UNC79: variants seen among roughly 807,000 people sequenced by gnomAD.
UNC79 encodes protein unc-79 homolog.
Under a neutral mutation model 283.1 loss-of-function variants are expected in UNC79, and 37 were observed. The observed-to-expected ratio is 0.13, with a 90% CI of 0.10 to 0.17. The LOEUF (loss-of-function observed/expected upper bound fraction) is 0.17, where lower values mean the gene tolerates loss of function less well. Ranked by LOEUF, UNC79 falls within the 10% of genes least tolerant of loss-of-function variation. UNC79 has a pLI of 1.00. For synonymous variants in UNC79, 1,107 were observed against 1,200.2 expected, an observed-to-expected ratio of 0.92 and a Z score of 1.61; for missense variants, 2,272 against 3,211.1, an observed-to-expected ratio of 0.71 and a Z score of 7.07.
chr14:93,550,514 C>CAAAAAAAA (rs1205210121), intron 14 of UNC79, among the ~76,000 whole-genome samples: 8 of 19,178 alleles, frequency 4.2e-4, no homozygotes, highest in African/African-American at 8.0e-4. Flanking sequence ...GACTCCGTAT[C>CAAAAAAAA]AAAAAAAAAA....
At chr14:93,706,775 G>A (rs372294905) in exon 49 of UNC79, 20 of 1,614,112 alleles carry the variant, frequency 1.2e-5, no homozygotes, top group African/African-American at 2.7e-5. Context: ...GCCTAAGGAC[G>A]CTGCCGGGCT....
intron 24 of UNC79, among the ~76,000 whole-genome samples, chr14:93,599,353 A>AGAGT (rs2065322391): frequency 6.8e-6 from 1 of 147,992 alleles, no homozygotes; most frequent in African/African-American, 2.5e-5. Context: ...CACATACTTA[A>AGAGT]GTGTGTGTGT....
Position 93,346,676 on chromosome 14 carries a change from T to G in UNC79, c.-351+13153T>G, listed in dbSNP as rs180921437. Among the ~76,000 whole-genome samples the G allele has an allele frequency of 3.5e-3, 533 of 152,302 alleles. 12 individuals are homozygous for G. In the South Asian group the frequency reaches 0.052, roughly 15 times the overall value. ...AAGATTTAATTTGCATTAGAAACAG[T>G]GTGCTATAAACTCTGCCAATGCCAG... On this transcript the variant is annotated intron_variant, in intron 1 of 49. Transcript: ENST00000256339.
intron 1 of UNC79, among the ~76,000 whole-genome samples, chr14:93,406,045 A>G (rs1355262025): frequency 1.3e-5 from 2 of 152,190 alleles, no homozygotes; most frequent in East Asian, 3.9e-4. Context: ...TAAACTACCA[A>G]GGAATAGTTA....
chr14:93,444,003 C>T (rs542972888), intron 1 of UNC79, among the ~76,000 whole-genome samples: 5 of 152,062 alleles, frequency 3.3e-5, no homozygotes, highest in South Asian at 2.1e-4. Flanking sequence ...GAATGTTTAC[C>T]GTTATAAGGT....
intron 26 of UNC79, among the ~76,000 whole-genome samples, chr14:93,607,728 C>A (rs900645830): frequency 2.6e-5 from 4 of 152,204 alleles, no homozygotes; most frequent in African/African-American, 4.8e-5. Flanking sequence ...TGCAGAGAAA[C>A]CTGGAGATCT....
At chr14:93,650,581 T>C (rs2070142625) in intron 35 of UNC79, among the ~76,000 whole-genome samples, 1 of 152,212 alleles carries the variant, frequency 6.6e-6, no homozygotes, top group African/African-American at 2.4e-5. Context: ...ATTGACCCAT[T>C]GCGTATATTC....
At chr14:93,689,961 A>G (rs1046103809) in intron 44 of UNC79, 156 bp from the exon 48 acceptor site, 2 of 713,762 alleles carry the variant, frequency 2.8e-6, no homozygotes, top group Middle Eastern at 4.1e-4. Flanking sequence ...AAAAACAGAT[A>G]TATCATTTTG....
intron 7 of UNC79, among the ~76,000 whole-genome samples, chr14:93,503,523 A>T (rs921756396): frequency 1.2e-4 from 19 of 152,054 alleles, no homozygotes; most frequent in Non-Finnish European, 4.4e-5. Context: ...TTAATAGTGT[A>T]TGAGAGTTCT....
intron 7 of UNC79, among the ~76,000 whole-genome samples, chr14:93,514,480 A>G (rs1432142897): frequency 6.6e-6 from 1 of 152,110 alleles, no homozygotes; most frequent in East Asian, 1.9e-4. Flanking sequence ...GTGACCTCCA[A>G]AATCTCTGTT....
chr14:93,594,270 T>A (rs1030867967), intron 23 of UNC79, among the ~76,000 whole-genome samples: 3 of 151,654 alleles, frequency 2.0e-5, no homozygotes, highest in African/African-American at 7.3e-5. Flanking sequence ...GAAATTGAGG[T>A]TTTTTGTGTT....
At chr14:93,653,322 C>CATATATATATATAT (rs60148384) in intron 35 of UNC79, among the ~76,000 whole-genome samples, 4 of 148,346 alleles carry the variant, frequency 2.7e-5, no homozygotes, top group Middle Eastern at 7.0e-3. Context: ...TCTCTCACTG[C>CATATATATATATAT]ATATATATAT....
intron 34 of UNC79, among the ~76,000 whole-genome samples, chr14:93,644,080 G>A (rs999679575): frequency 2.0e-5 from 3 of 152,122 alleles, no homozygotes; most frequent in African/African-American, 7.2e-5. Flanking sequence ...GATTTTCTAG[G>A]CATTTGTAAT....
At position 93,655,160 on chromosome 14, in the gene UNC79, T is replaced by C. The variant is rs1050214337; in HGVS notation, c.6283-74T>C. ...TAGCCTGAAGATGTGACTTTTAAACTGACATTTACCAAATAGCGCTATGCA... is the reference window on the plus strand; with the variant it reads ...TAGCCTGAAGATGTGACTTTTAAACCGACATTTACCAAATAGCGCTATGCA... On this transcript the variant is annotated intron_variant, in intron 37 of 48. Transcript: ENST00000555664. 1.0e-4 allele frequency: 160 copies of C among 1,538,032 alleles called. No individual in the cohort carries two copies. In the African/African-American group the frequency reaches 2.1e-3, roughly 20 times the overall value.
chr14:93,690,088 C>T lies in UNC79; in HGVS notation c.7086-29C>T. 6 of 1,605,794 alleles carry T rather than the reference C, an allele frequency of 3.7e-6. No homozygotes were observed. Among genetic ancestry groups the T allele is most frequent in the Non-Finnish European group, 5.1e-6 (6 of 1,174,308 alleles). ...CCCAATGAAACACAAAACATAAAATCATCTTTAACACTCCTTCTTCTCTAA... is the reference window on the plus strand; with the variant it reads ...CCCAATGAAACACAAAACATAAAATTATCTTTAACACTCCTTCTTCTCTAA... On this transcript the variant is annotated intron_variant, in intron 44 of 48. Coordinates refer to ENST00000555664, the Ensembl canonical transcript of UNC79. This position sits in a 1 kb window ranked among gnomAD's most constrained non-coding sequence, Gnocchi z 4.3.
intron 5 of UNC79, among the ~76,000 whole-genome samples, chr14:93,495,004 T>C (rs2058949675): frequency 2.6e-5 from 4 of 152,144 alleles, no homozygotes; most frequent in Admixed American, 2.0e-4. Flanking sequence ...TCTCCTGGTG[T>C]ACCTCTTTCG....
chr14:93,507,315 T>G (rs926682610), intron 7 of UNC79, among the ~76,000 whole-genome samples: 2 of 152,236 alleles, frequency 1.3e-5, no homozygotes, highest in African/African-American at 4.8e-5. Flanking sequence ...AACAGTTTTC[T>G]AAAGTGTTTA....
chr14:93,363,688 G>A (rs1470523637), intron 1 of UNC79, among the ~76,000 whole-genome samples: 1 of 152,054 alleles, frequency 6.6e-6, no homozygotes. Flanking sequence ...AGGTCTTCCT[G>A]TTGAATTGAA....
intron 1 of UNC79, among the ~76,000 whole-genome samples, chr14:93,368,209 G>T (rs978148551): frequency 1.3e-5 from 2 of 152,028 alleles, no homozygotes; most frequent in African/African-American, 2.4e-5. Flanking sequence ...TTTATATCTG[G>T]ATTCTACTGA....
Sources: gnomAD v4.1 joint callset for allele counts (sites outside exome capture counted in the v4.1 genomes callset) on GRCh38, gnomAD v4.1.1 for gene constraint, Gnocchi (gnomAD v3.1) non-coding constraint, MANE v1.5 for transcripts, NCBI Gene and HGNC (gene_info 2026-07-23, HGNC 2026-07-21) for gene names.